EIF2AK4: variants seen among roughly 807,000 people sequenced by gnomAD.
EIF2AK4 encodes the protein eIF-2-alpha kinase GCN2.
EIF2AK4 carries 139 observed loss-of-function variants against 211.1 expected under a neutral mutation model. That is an observed-to-expected ratio of 0.66 (90% CI 0.57 to 0.76). EIF2AK4 has a LOEUF of 0.76. Ranked by LOEUF, EIF2AK4 falls within the 30% of genes least tolerant of loss-of-function variation. The pLI, the probability that EIF2AK4 is intolerant of heterozygous loss-of-function variation, is 0.00. For synonymous variants in EIF2AK4, 710 were observed against 751.3 expected (o/e 0.94, Z 0.90); for missense variants, 1,664 against 2,043.8 (o/e 0.81, Z 3.58).
chr15:40,022,883 G>A (rs528948271), intron 32 of EIF2AK4, among the ~76,000 whole-genome samples: 12 of 152,098 alleles, frequency 7.9e-5, no homozygotes, highest in Non-Finnish European at 1.8e-4. Flanking sequence ...GCAGGTGCCC[G>A]CCACCACGCT....
intron 2 of EIF2AK4, among the ~76,000 whole-genome samples, chr15:39,940,579 CTA>C (rs1361178756): frequency 1.4e-4 from 22 of 151,970 alleles, no homozygotes; most frequent in African/African-American, 5.3e-4. Context: ...AGTAGGTATA[CTA>C]TACATACTAT....
chr15:40,030,172 T>C (rs1283101388), intron 34 of EIF2AK4, among the ~76,000 whole-genome samples, 187 bp from the exon 35 acceptor site: 1 of 152,064 alleles, frequency 6.6e-6, no homozygotes, highest in African/African-American at 2.4e-5. Context: ...CTGCTGGGTG[T>C]TGGGGTTCTG....
rs142271140 is a variant in EIF2AK4, at chr15:39,995,985, C to T, written c.2767-979C>T. Among the ~76,000 whole-genome samples, 6 of 152,294 alleles carry T rather than the reference C, an allele frequency of 3.9e-5. No individual in the cohort carries two copies. In the East Asian group the frequency reaches 9.6e-4, roughly 24 times the overall value. ...TGTATTCATTTTATAACTGAAAATG[C>T]GTGCCCTTTGACCAGCACCTCCCCT... On this transcript the variant is annotated intron_variant, in intron 18 of 38. Coordinates refer to ENST00000263791, the MANE Select transcript of EIF2AK4 (RefSeq NM_001013703.4).
chr15:40,019,329 A>G, intron 30 of EIF2AK4, 129 bp downstream of exon 30: 2 of 634,256 alleles, frequency 3.2e-6, no homozygotes, highest in Non-Finnish European at 5.3e-6. Context: ...TTTGAAACTT[A>G]CCTTTAATAT....
intron 14 of EIF2AK4, among the ~76,000 whole-genome samples, chr15:39,986,794 G>A (rs1186741806): frequency 6.6e-6 from 1 of 152,216 alleles, no homozygotes; most frequent in East Asian, 1.9e-4. Flanking sequence ...AGCGGAGGTT[G>A]CAGTGAGCCG....
At chr15:39,961,587 G>A (rs912241695) in intron 6 of EIF2AK4, among the ~76,000 whole-genome samples, 197 bp from the exon 7 acceptor site, 2 of 152,138 alleles carry the variant, frequency 1.3e-5, no homozygotes, top group African/African-American at 4.8e-5. Flanking sequence ...GGAAGTGAAT[G>A]GCTTTCCCAT....
chr15:39,960,192 G>A (rs2034451126), intron 6 of EIF2AK4, among the ~76,000 whole-genome samples: 1 of 151,492 alleles, frequency 6.6e-6, no homozygotes, highest in African/African-American at 2.4e-5. Context: ...AAGAATATGT[G>A]GACATATGTG....
intron 27 of EIF2AK4, among the ~76,000 whole-genome samples, chr15:40,015,622 T>C (rs1217315073): frequency 6.6e-6 from 1 of 152,188 alleles, no homozygotes; most frequent in Admixed American, 6.5e-5. Context: ...AGCCAAACCA[T>C]ATCAAGATTA....
At chr15:39,953,845 A>G in intron 4 of EIF2AK4, 59 bp from the exon 5 acceptor site, 25 of 1,524,716 alleles carry the variant, frequency 1.6e-5, no homozygotes, top group Non-Finnish European at 2.2e-5. Context: ...TAGTTCCATA[A>G]TTTATATGTT....
chr15:40,028,243 T>C (rs1215180708), intron 33 of EIF2AK4, among the ~76,000 whole-genome samples: 1 of 152,130 alleles, frequency 6.6e-6, no homozygotes, highest in African/African-American at 2.4e-5. Flanking sequence ...CAGCTAATTT[T>C]TTTAAATTAT....
Position 39,939,537 on chromosome 15 carries a change from G to A in EIF2AK4, c.177G>A (p.Leu59=). Residue 59 remains leucine, a synonymous_variant, in exon 2 of 39, where the codon TTG becomes TTA. Transcript: ENST00000263791. Reference sequence around the variant, plus strand: ...AGCCCCCTGAAATCAATTTAGTTTTGTACCCTCAAGGCCTAACTGGTGAAG... The same window carrying A: ...AGCCCCCTGAAATCAATTTAGTTTTATACCCTCAAGGCCTAACTGGTGAAG... ...VKEPPEINLV[L]YPQGLTGEEV... 2 of 1,609,860 alleles carry A rather than the reference G, an allele frequency of 1.2e-6. No individual in the cohort carries two copies. The highest frequency in any genetic ancestry group is 4.5e-5 in the East Asian group (2 of 44,744).
chr15:40,016,452 G>T, intron 27 of EIF2AK4, 50 bp from the exon 28 acceptor site: 1 of 1,610,754 alleles, frequency 6.2e-7, no homozygotes, highest in Non-Finnish European at 8.5e-7. Context: ...TGCAAAGGGA[G>T]TCTTCCCCTG....
At chr15:39,937,435 C>T (rs562954633) in intron 1 of EIF2AK4, among the ~76,000 whole-genome samples, 1 of 152,130 alleles carries the variant, frequency 6.6e-6, no homozygotes, top group East Asian at 1.9e-4. Context: ...ACTCTGTGGT[C>T]CATTTTCTTG....
chr15:39,958,279 A>G (rs1273879980), intron 6 of EIF2AK4, among the ~76,000 whole-genome samples: 2 of 152,212 alleles, frequency 1.3e-5, no homozygotes, highest in African/African-American at 4.8e-5. Context: ...GTAGAAAATT[A>G]CCTTCACATA....
chr15:39,953,937 A>G lies in EIF2AK4; in HGVS notation c.547A>G (p.Lys183Glu). ...AATCCTGCATGAGATTCAGAGAAGG[A>G]AAGAAGAGATAAAAGAAGAGAAAAA... is the stretch of plus-strand genomic sequence containing the variant. ...REILHEIQRR[K>E]EEIKEEKKRK... is the part of the protein sequence containing the mutation. The change falls in exon 5 of 39, where the codon AAA (lysine) becomes GAA (glutamate). Residue 183 changes from lysine to glutamate, a missense_variant. Physicochemically the swap from Lys to Glu is moderately conservative, Grantham distance 56. Coordinates refer to ENST00000263791, the MANE Select transcript of EIF2AK4 (RefSeq NM_001013703.4). 6.2e-7 allele frequency: 1 copy of G among 1,611,264 alleles called. No individual in the cohort carries two copies. The highest frequency in any genetic ancestry group is 1.1e-5 in the South Asian group (1 of 90,852).
intron 5 of EIF2AK4, 89 bp from the exon 6 acceptor site, chr15:39,955,531 G>A: frequency 7.6e-7 from 1 of 1,318,948 alleles, no homozygotes; most frequent in Non-Finnish European, 1.0e-6. Flanking sequence ...CTTAAAATTT[G>A]CATTCTATAC....
intron 7 of EIF2AK4, among the ~76,000 whole-genome samples, chr15:39,964,464 G>A (rs941207724): frequency 1.3e-5 from 2 of 152,092 alleles, no homozygotes; most frequent in African/African-American, 4.8e-5. Context: ...TAACATTGGG[G>A]TCGGGGTGCT....
At chr15:39,957,347 G>T (rs2140907148) in intron 6 of EIF2AK4, among the ~76,000 whole-genome samples, 1 of 152,146 alleles carries the variant, frequency 6.6e-6, no homozygotes, top group South Asian at 2.1e-4. Flanking sequence ...AAGGCTGAAG[G>T]ATCACTTGAG....
rs572430249 is a variant in EIF2AK4, at chr15:40,019,816, C to T, written c.4173+616C>T. 9.9e-4 allele frequency among the ~76,000 whole-genome samples: 151 copies of T among 152,264 alleles called. 1 individual carries two copies. Among genetic ancestry groups the T allele is most frequent in the African/African-American group, 3.2e-3 (133 of 41,554 alleles). On this transcript the variant is annotated intron_variant, in intron 30 of 38. Transcript: ENST00000263791. The stretch of plus-strand genomic sequence containing the variant: ...CTAGACTCATTTTCCTTATCTGTAA[C>T]GTACCATATAAATGTGAGATGTTAT...
Sources: gnomAD v4.1 joint callset for allele counts (sites outside exome capture counted in the v4.1 genomes callset) on GRCh38, gnomAD v4.1.1 for gene constraint, MANE v1.5 for transcripts, NCBI Gene and HGNC (gene_info 2026-07-23, HGNC 2026-07-21) for gene names.